Variants in SNX25 observed in about 807,000 individuals in gnomAD.
The protein encoded by SNX25 is sorting nexin-25.
SNX25 carries 62 observed loss-of-function variants against 113.7 expected under a neutral mutation model. The observed-to-expected ratio is 0.55, with a 90% CI of 0.44 to 0.67. The LOEUF (loss-of-function observed/expected upper bound fraction) is 0.67, where lower values mean the gene tolerates loss of function less well. SNX25 is among the 30% of genes least tolerant of loss of function. The probability of loss-of-function intolerance (pLI) is 0.00; values close to 1 mark genes in which losing one functional copy is unlikely to be tolerated. For synonymous variants in SNX25, 421 were observed against 436.2 expected, an observed-to-expected ratio of 0.97 and a Z score of 0.43; for missense variants, 1,014 against 1,161.0, an observed-to-expected ratio of 0.87 and a Z score of 1.84.
intron 7 of SNX25, among the ~76,000 whole-genome samples, chr4:185,315,635 C>T (rs529133046): frequency 6.6e-6 from 1 of 152,036 alleles, no homozygotes; most frequent in African/African-American, 2.4e-5. Context: ...AGAGATAATA[C>T]CAATCTTAAC....
downstream of SNX25, among the ~76,000 whole-genome samples, chr4:185,374,892 G>C (rs77279218): frequency 1.3e-5 from 2 of 151,970 alleles, no homozygotes. Flanking sequence ...AACAAACACC[G>C]TCTTCCATTC....
downstream of SNX25, chr4:185,374,005 T>A (rs2095424768): frequency 2.7e-6 from 2 of 747,116 alleles, no homozygotes; most frequent in Admixed American, 2.9e-5. Flanking sequence ...CTAAAATGTA[T>A]GCTTTCTTTA....
At chr4:185,206,660 C>CA (rs375061067), upstream of SNX25, among the ~76,000 whole-genome samples, 3,789 of 77,270 alleles carry the variant, frequency 0.049, 260 homozygotes, top group African/African-American at 0.12. Context: ...ACTCTTGTCT[C>CA]AAAAAAAAAA....
At chr4:185,294,014 GGATT>G (rs1752524954) in intron 6 of SNX25, among the ~76,000 whole-genome samples, 1 of 152,166 alleles carries the variant, frequency 6.6e-6, no homozygotes, top group African/African-American at 2.4e-5. Flanking sequence ...GAAAAGGAAG[GGATT>G]GATAAGGAAG....
rs35035428 is a variant in SNX25 at position 185,230,392 on chromosome 4, A to ATT, written c.430-16887_430-16886dup. 2.7e-3 allele frequency among the ~76,000 whole-genome samples: 375 copies of ATT among 139,792 alleles called. 2 individuals carry two copies. The highest frequency in any genetic ancestry group is 6.5e-3 in the African/African-American group (245 of 37,526). The allele number at this position is 139,792 out of a possible 152,430, so 91.7% of individuals were successfully genotyped here. ...ACTTCTGTTTTTTTCAGGAATCATA[A>ATT]TTTTTTTTTTTTTTTTCCTCAACAG... On this transcript the variant is annotated intron_variant, in intron 1 of 18. Transcript: ENST00000652585.
chr4:185,291,583 C>G (rs572830030), intron 6 of SNX25, among the ~76,000 whole-genome samples: 7 of 152,342 alleles, frequency 4.6e-5, no homozygotes, highest in African/African-American at 1.7e-4. Context: ...AAAATCAAGG[C>G]TTTGGCAGGG....
chr4:185,277,882 G>A lies in SNX25; in HGVS notation c.1092-10130G>A, dbSNP rs191261793. Among the ~76,000 whole-genome samples, 409 of 93,726 alleles carry A rather than the reference G, an allele frequency of 4.4e-3. 110 individuals are homozygous for A. The East Asian group carries it at 0.059, about 13-fold the overall frequency. 61.5% of individuals were successfully genotyped at this position (93,726 alleles called of 152,430 possible). ...CAAGTAGCTGGGACTACAGGCGCCC[G>A]CCACTACGCCCGGCTAATTTTTTGT... On this transcript the variant is annotated intron_variant, in intron 5 of 18. Coordinates refer to ENST00000652585, the MANE Select transcript of SNX25 (RefSeq NM_001378034.2).
chr4:185,216,158 A>C (rs1024935906), intron 1 of SNX25, among the ~76,000 whole-genome samples: 2 of 152,190 alleles, frequency 1.3e-5, no homozygotes, highest in African/African-American at 4.8e-5. Context: ...GATTTTAAAA[A>C]AAGTGTACAG....
chr4:185,278,021 C>T (rs1297301190), intron 5 of SNX25, among the ~76,000 whole-genome samples: 2 of 45,168 alleles, frequency 4.4e-5, no homozygotes, highest in East Asian at 1.1e-3. Flanking sequence ...CGTGAGCCAC[C>T]GCGCCCGGCC....
rs575101963 is a variant in SNX25 at position 185,236,480 on chromosome 4, T to C, written c.430-10814T>C. On this transcript the variant is annotated intron_variant, in intron 1 of 18. Transcript: ENST00000652585. The stretch of plus-strand genomic sequence containing the variant: ...TATTTTATAGACGCTTTTAGTATGA[T>C]TTAGAACATTTTTGGTGGTACCAGT... Among the ~76,000 whole-genome samples, 142 of 152,280 alleles carry C rather than the reference T, an allele frequency of 9.3e-4. 1 individual carries two copies. The highest frequency in any genetic ancestry group is 6.8e-3 in the Middle Eastern group (2 of 294).
chr4:185,293,333 T>C (rs1162766475), intron 6 of SNX25, among the ~76,000 whole-genome samples: 6 of 152,206 alleles, frequency 3.9e-5, no homozygotes, highest in Non-Finnish European at 8.8e-5. Flanking sequence ...AACTTGAATG[T>C]TTATAGTAGC....
chr4:185,324,750 C>T (rs1033607587), intron 9 of SNX25, among the ~76,000 whole-genome samples: 5 of 152,014 alleles, frequency 3.3e-5, no homozygotes, highest in Admixed American at 1.3e-4. Flanking sequence ...TTTAGAATGG[C>T]GGTGCTTGTC....
At chr4:185,262,527 G>A (rs1747472436) in intron 3 of SNX25, among the ~76,000 whole-genome samples, 6 of 152,190 alleles carry the variant, frequency 3.9e-5, no homozygotes, top group Admixed American at 3.9e-4. Context: ...TGATTGTGGT[G>A]TAATTTAAAG....
intron 14 of SNX25, among the ~76,000 whole-genome samples, chr4:185,351,855 C>G (rs1320683230): frequency 1.3e-5 from 2 of 151,550 alleles, no homozygotes; most frequent in African/African-American, 4.9e-5. Context: ...CCCCGCTACA[C>G]ACGGGGCGCC....
At chr4:185,347,849 C>A (rs1321651323) in intron 13 of SNX25, among the ~76,000 whole-genome samples, 1 of 152,192 alleles carries the variant, frequency 6.6e-6, no homozygotes, top group African/African-American at 2.4e-5. Context: ...TGTTCTGGAT[C>A]TGAGTTCCTT....
intron 5 of SNX25, among the ~76,000 whole-genome samples, chr4:185,287,114 A>G (rs777198154): frequency 1.3e-5 from 2 of 152,242 alleles, no homozygotes; most frequent in African/African-American, 2.4e-5. Flanking sequence ...GGCAATACTT[A>G]GTAACCATTA....
intron 16 of SNX25, among the ~76,000 whole-genome samples, chr4:185,360,989 A>G (rs958625676): frequency 2.0e-5 from 3 of 150,672 alleles, no homozygotes; most frequent in Non-Finnish European, 4.4e-5. Flanking sequence ...GGGGTTGTGT[A>G]GAAGACCTGG....
chr4:185,368,011 C>G (rs1256674425), downstream of SNX25, among the ~76,000 whole-genome samples: 2 of 152,072 alleles, frequency 1.3e-5, no homozygotes, highest in African/African-American at 4.8e-5. Context: ...AACTCCGTCT[C>G]TACTAAAAAT....
chr4:185,260,877 T>C (rs1483147902), intron 3 of SNX25, among the ~76,000 whole-genome samples: 3 of 152,064 alleles, frequency 2.0e-5, no homozygotes. Context: ...ATGAGAGAAA[T>C]AGGGCTCCTG....
Sources: allele counts gnomAD v4.1 joint callset (sites outside exome capture counted in the v4.1 genomes callset), GRCh38; gene constraint gnomAD v4.1.1; transcripts MANE v1.5; gene names NCBI Gene and HGNC (gene_info 2026-07-23, HGNC 2026-07-21).